Variants in ERG observed in about 807,000 individuals in gnomAD.
ERG encodes the protein ETS transcription factor ERG.
In ERG, 9 loss-of-function variants were observed where a neutral mutation model predicts 55.3. The ratio of observed to expected loss-of-function variants is 0.16; its 90% CI spans 0.10 to 0.28. The LOEUF is 0.28. ERG is among the 10% of genes least tolerant of loss of function. The pLI, the probability that ERG is intolerant of heterozygous loss-of-function variation, is 1.00. For missense variants in ERG, 434 were observed against 631.6 expected (o/e 0.69, Z 3.35); for synonymous variants, 223 against 237.3 (o/e 0.94, Z 0.55).
At chr21:38,379,921 G>T, downstream of ERG, 1 of 684,176 alleles carries the variant, frequency 1.5e-6, no homozygotes, top group Non-Finnish European at 1.8e-6. Context: ...CTGGTCCCGG[G>T]CTCAAGCGAT....
chr21:38,634,068 T>C (rs2060373579), intron 1 of ERG, among the ~76,000 whole-genome samples: 1 of 152,154 alleles, frequency 6.6e-6, no homozygotes, highest in Non-Finnish European at 1.5e-5. Flanking sequence ...AAAACCAATA[T>C]GATAACTCTA....
chr21:38,412,038 C>T (rs909861946), intron 3 of ERG, among the ~76,000 whole-genome samples: 1 of 152,076 alleles, frequency 6.6e-6, no homozygotes, highest in Non-Finnish European at 1.5e-5. Flanking sequence ...ATTCAATTTT[C>T]ACTAGCGTAT....
chr21:38,638,875 G>A (rs934009641), intron 1 of ERG, among the ~76,000 whole-genome samples: 6 of 152,072 alleles, frequency 3.9e-5, no homozygotes, highest in Admixed American at 3.3e-4. Flanking sequence ...AGGTAATTTA[G>A]GGTTCCTCTC....
chr21:38,473,313 C>T (rs2059157428), intron 1 of ERG, among the ~76,000 whole-genome samples: 1 of 152,054 alleles, frequency 6.6e-6, no homozygotes, highest in Non-Finnish European at 1.5e-5. Context: ...CCGTGGGATC[C>T]TCTGTCTTTA....
chr21:38,637,818 T>C (rs1011576883), intron 1 of ERG, among the ~76,000 whole-genome samples: 1 of 143,670 alleles, frequency 7.0e-6, no homozygotes, highest in Non-Finnish European at 1.5e-5. Context: ...TTTTTCTGCG[T>C]GTGTGTGTGT....
chr21:38,603,636 C>G (rs975618855), intron 1 of ERG, among the ~76,000 whole-genome samples: 4 of 152,012 alleles, frequency 2.6e-5, no homozygotes, highest in African/African-American at 9.7e-5. Context: ...AAATCACCAA[C>G]AGCATTCCCC....
chr21:38,466,392 C>A (rs149201145), intron 1 of ERG, among the ~76,000 whole-genome samples: 2,569 of 150,488 alleles, frequency 0.017, 49 homozygotes, highest in Middle Eastern at 0.094. Flanking sequence ...TAAATCATCT[C>A]ATCTTGCTCA....
chr21:38,562,385 G>A (rs1177679030), intron 2 of ERG, among the ~76,000 whole-genome samples: 1 of 152,080 alleles, frequency 6.6e-6, no homozygotes, highest in Non-Finnish European at 1.5e-5. Flanking sequence ...ATGACCTGTA[G>A]TTTGGAAAAC....
chr21:38,622,793 C>T (rs1006729649), intron 1 of ERG, among the ~76,000 whole-genome samples: 9 of 148,884 alleles, frequency 6.0e-5, no homozygotes, highest in African/African-American at 2.2e-4. Context: ...ACACACCATA[C>T]CACAAACACA....
intron 1 of ERG, among the ~76,000 whole-genome samples, chr21:38,446,226 CAAAAAAAAA>C (rs71184626): frequency 9.4e-5 from 6 of 63,596 alleles, no homozygotes; most frequent in East Asian, 6.8e-4. Flanking sequence ...ATAAATGAAC[CAAAAAAAAA>C]AAAAAAAAAA....
At chr21:38,562,288 T>C (rs2059897591) in intron 2 of ERG, among the ~76,000 whole-genome samples, 1 of 152,232 alleles carries the variant, frequency 6.6e-6, no homozygotes, top group South Asian at 2.1e-4. Flanking sequence ...TTTCTTTCTG[T>C]ATGTGATGTG....
the ERG span, among the ~76,000 whole-genome samples, chr21:38,371,429 A>G: frequency 7.9e-5 from 12 of 152,092 alleles, no homozygotes; most frequent in East Asian, 2.3e-3. Flanking sequence ...CCTATGTTGA[A>G]TAGTAAGCAT....
intron 2 of ERG, among the ~76,000 whole-genome samples, chr21:38,550,635 T>C (rs997233270): frequency 2.6e-5 from 4 of 152,230 alleles, no homozygotes; most frequent in East Asian, 1.9e-4. Context: ...TTCCAGCCTT[T>C]AGAACTGTGA....
chr21:38,590,988 CAA>C (rs1291331453), intron 1 of ERG, among the ~76,000 whole-genome samples: 2 of 152,002 alleles, frequency 1.3e-5, no homozygotes, highest in Admixed American at 1.3e-4. Flanking sequence ...GTGAAAGGGG[CAA>C]AAGAGTCTAA....
the ERG span, among the ~76,000 whole-genome samples, chr21:38,371,614 C>T: frequency 2.6e-5 from 4 of 152,006 alleles, no homozygotes; most frequent in Non-Finnish European, 5.9e-5. Context: ...TATATGTATT[C>T]AGATAATCAT....
chr21:38,402,477 A>G (rs778346706), intron 5 of ERG, 80 bp downstream of exon 5: 20 of 1,039,052 alleles, frequency 1.9e-5, no homozygotes, highest in Non-Finnish European at 2.9e-5. Flanking sequence ...GCACGCGCTG[A>G]CTGGTTTCCC....
chr21:38,489,444 G>A (rs573212612), intron 1 of ERG, among the ~76,000 whole-genome samples: 6 of 152,270 alleles, frequency 3.9e-5, no homozygotes, highest in South Asian at 2.1e-4. Context: ...TCCTAAGACC[G>A]GCTTAACCGA....
At chr21:38,397,178 C>T (rs1184482950) in intron 6 of ERG, among the ~76,000 whole-genome samples, 3 of 152,102 alleles carry the variant, frequency 2.0e-5, no homozygotes, top group South Asian at 2.1e-4. Flanking sequence ...GGTCAGTGAA[C>T]GGCCTCGGCC....
intron 1 of ERG, among the ~76,000 whole-genome samples, chr21:38,463,715 C>T (rs2059064026): frequency 1.3e-5 from 2 of 152,178 alleles, no homozygotes; most frequent in South Asian, 4.1e-4. Flanking sequence ...GAAGTGGGGC[C>T]ACCCCTCGTG....
Sources: gnomAD v4.1 joint callset for allele counts (sites outside exome capture counted in the v4.1 genomes callset) on GRCh38, gnomAD v4.1.1 for gene constraint, MANE v1.5 for transcripts, NCBI Gene and HGNC (gene_info 2026-07-23, HGNC 2026-07-21) for gene names.